The following SHISA9 variants were observed in gnomAD, a reference collection of about 807,000 sequenced individuals.
SHISA9 encodes protein shisa-9.
In SHISA9, 13 loss-of-function variants were observed where a neutral mutation model predicts 38.0. That is an observed-to-expected ratio of 0.34 (90% CI 0.22 to 0.54). SHISA9 has a LOEUF of 0.54. SHISA9 is among the 20% of genes least tolerant of loss of function. The probability of loss-of-function intolerance (pLI) is 0.91; values close to 1 mark genes in which losing one functional copy is unlikely to be tolerated. For synonymous variants in SHISA9, 275 were observed against 242.0 expected (o/e 1.14, Z -1.27); for missense variants, 538 against 575.8 (o/e 0.93, Z 0.67).
intron 2 of SHISA9, among the ~76,000 whole-genome samples, chr16:13,133,120 A>C (rs1370103527): frequency 6.6e-6 from 1 of 152,210 alleles, no homozygotes; most frequent in African/African-American, 2.4e-5. Context: ...AAGGAGGCCA[A>C]AACGTAGACA....
the SHISA9 span, among the ~76,000 whole-genome samples, chr16:13,408,073 T>A: frequency 6.6e-6 from 1 of 151,176 alleles, no homozygotes; most frequent in Non-Finnish European, 1.5e-5. Flanking sequence ...TGTTGATAAT[T>A]TCTTTTGCTG....
chr16:13,372,524 C>A, the SHISA9 span, among the ~76,000 whole-genome samples: 2 of 152,170 alleles, frequency 1.3e-5, no homozygotes, highest in Non-Finnish European at 2.9e-5. Context: ...GATATAATGT[C>A]CAAGCAGCAC....
intron 1 of SHISA9, among the ~76,000 whole-genome samples, chr16:12,916,130 C>T (rs2141720566): frequency 6.6e-6 from 1 of 151,806 alleles, no homozygotes; most frequent in Middle Eastern, 3.4e-3. Context: ...ATTCTTGTGC[C>T]ACAACTTACT....
At chr16:13,257,488 C>T in the SHISA9 span, among the ~76,000 whole-genome samples, 1 of 152,312 alleles carries the variant, frequency 6.6e-6, no homozygotes, top group East Asian at 1.9e-4. Flanking sequence ...CATACACCAT[C>T]ATCATCATCA....
the SHISA9 span, among the ~76,000 whole-genome samples, chr16:13,306,868 C>T: frequency 1.3e-5 from 2 of 152,102 alleles, no homozygotes; most frequent in African/African-American, 4.8e-5. Context: ...CACCCATACA[C>T]GTATGTATGT....
Position 13,200,844 on chromosome 16 carries a change from A to G in SHISA9, c.692-2550A>G, listed in dbSNP as rs1035036999. ...CCCATGCAGGTAAAGTGATAAAAAT[A>G]CTGTCCCTAACCTCATGCCTCAGCT... On this transcript the variant is annotated intron_variant, in intron 2 of 4. Coordinates refer to ENST00000558583, the MANE Select transcript of SHISA9 (RefSeq NM_001145204.3). Among the ~76,000 whole-genome samples the G allele has an allele frequency of 5.9e-5, 8 of 135,306 alleles. 2 individuals are homozygous for G. The highest frequency in any genetic ancestry group is 2.3e-4 in the African/African-American group (8 of 34,406). 88.8% of individuals were successfully genotyped at this position (135,306 alleles called of 152,430 possible).
the SHISA9 span, among the ~76,000 whole-genome samples, chr16:13,257,342 C>G: frequency 6.6e-6 from 1 of 152,150 alleles, no homozygotes; most frequent in Non-Finnish European, 1.5e-5. Context: ...CATTACGTGA[C>G]AAGTTATTTA....
At chr16:13,233,129 T>C (rs1567259074) in intron 4 of SHISA9, among the ~76,000 whole-genome samples, 1 of 152,194 alleles carries the variant, frequency 6.6e-6, no homozygotes, top group African/African-American at 2.4e-5. Flanking sequence ...TAAGTCACGA[T>C]ATATAGCGTT....
intron 2 of SHISA9, among the ~76,000 whole-genome samples, chr16:12,959,130 A>G (rs1421652709): frequency 1.3e-5 from 2 of 152,232 alleles, no homozygotes; most frequent in Non-Finnish European, 1.5e-5. Flanking sequence ...TTGTGTTTTA[A>G]GAGCCTGTTT....
the SHISA9 span, among the ~76,000 whole-genome samples, chr16:13,492,022 G>C: frequency 6.6e-6 from 1 of 151,016 alleles, no homozygotes; most frequent in Non-Finnish European, 1.5e-5. Context: ...TTGAATAGAA[G>C]TATCTGCCTG....
intron 4 of SHISA9, among the ~76,000 whole-genome samples, chr16:13,221,165 G>A (rs1434861811): frequency 6.6e-6 from 1 of 152,154 alleles, no homozygotes; most frequent in Non-Finnish European, 1.5e-5. Flanking sequence ...AAGATATGGT[G>A]CCCCGTGGGG....
intron 3 of SHISA9, among the ~76,000 whole-genome samples, chr16:13,208,690 T>C (rs893295566): frequency 6.6e-6 from 1 of 152,146 alleles, no homozygotes; most frequent in African/African-American, 2.4e-5. Flanking sequence ...GGCTAAACCG[T>C]ATAGGACTTT....
At chr16:13,411,118 G>C in the SHISA9 span, among the ~76,000 whole-genome samples, 1 of 152,168 alleles carries the variant, frequency 6.6e-6, no homozygotes, top group African/African-American at 2.4e-5. Flanking sequence ...ATCCGTCCCT[G>C]ATTCACTGGA....
chr16:12,980,504 A>G (rs557587264), intron 2 of SHISA9, among the ~76,000 whole-genome samples: 2 of 151,820 alleles, frequency 1.3e-5, no homozygotes, highest in East Asian at 1.9e-4. Context: ...CTCTTTCTCC[A>G]TGGGTGCTTT....
chr16:12,917,534 G>T (rs2071274007), intron 2 of SHISA9, among the ~76,000 whole-genome samples: 1 of 152,150 alleles, frequency 6.6e-6, no homozygotes, highest in African/African-American at 2.4e-5. Context: ...TACTCCCAAA[G>T]ATTTTCTTTC....
intron 2 of SHISA9, among the ~76,000 whole-genome samples, chr16:13,066,312 C>G (rs2073434321): frequency 6.6e-6 from 1 of 152,188 alleles, no homozygotes; most frequent in African/African-American, 2.4e-5. Context: ...TGCAGCATAA[C>G]CTAATGAATT....
chr16:12,989,879 C>T (rs1338725337), intron 2 of SHISA9, among the ~76,000 whole-genome samples: 4 of 152,080 alleles, frequency 2.6e-5, no homozygotes, highest in African/African-American at 9.7e-5. Context: ...ATCATCCCGT[C>T]GCCTGGGTGT....
chr16:13,410,009 G>A, the SHISA9 span, among the ~76,000 whole-genome samples: 23 of 152,200 alleles, frequency 1.5e-4, no homozygotes, highest in African/African-American at 5.5e-4. Flanking sequence ...AACAAGCCTT[G>A]AAATATGGTG....
At chr16:13,250,363 A>G in the SHISA9 span, among the ~76,000 whole-genome samples, 9 of 152,244 alleles carry the variant, frequency 5.9e-5, no homozygotes, top group African/African-American at 2.2e-4. Flanking sequence ...AGAATTTATG[A>G]TTAATTGCAT....
Sources: gnomAD v4.1 joint callset for allele counts (sites outside exome capture counted in the v4.1 genomes callset) on GRCh38, gnomAD v4.1.1 for gene constraint, MANE v1.5 for transcripts, NCBI Gene and HGNC (gene_info 2026-07-23, HGNC 2026-07-21) for gene names.